CHODL: variants seen among roughly 807,000 people sequenced by gnomAD.
CHODL encodes the protein transmembrane protein MT75.
Under a neutral mutation model 34.5 loss-of-function variants are expected in CHODL, and 29 were observed. The ratio of observed to expected loss-of-function variants is 0.84; its 90% CI spans 0.63 to 1.15. CHODL has a LOEUF of 1.15. CHODL is among the 50% of genes most tolerant of loss of function. CHODL has a pLI of 0.00. For missense variants in CHODL, 332 were observed against 332.5 expected (o/e 1.00, Z 0.01); for synonymous variants, 125 against 116.1 (o/e 1.08, Z -0.49).
chr21:18,175,014 A>G (rs2073288751), intron 2 of CHODL, among the ~76,000 whole-genome samples: 1 of 152,240 alleles, frequency 6.6e-6, no homozygotes, highest in South Asian at 2.1e-4. Context: ...TGAAATGCAT[A>G]TAATACTAGT....
intron 1 of CHODL, among the ~76,000 whole-genome samples, chr21:17,976,243 C>T (rs1309480152): frequency 1.0e-5 from 1 of 100,334 alleles, no homozygotes; most frequent in Non-Finnish European, 2.0e-5. Flanking sequence ...TGCACTCCAA[C>T]CTGGGTGACA....
intron 2 of CHODL, among the ~76,000 whole-genome samples, chr21:18,159,733 C>T (rs1366926665): frequency 6.6e-6 from 1 of 152,084 alleles, no homozygotes; most frequent in Non-Finnish European, 1.5e-5. Context: ...TATAAGTGGG[C>T]CAAATCTAAC....
chr21:18,070,613 C>T (rs2064791864), intron 2 of CHODL, among the ~76,000 whole-genome samples: 1 of 152,160 alleles, frequency 6.6e-6, no homozygotes, highest in South Asian at 2.1e-4. Flanking sequence ...CTCTAATCTC[C>T]AAGCTTGTTC....
intron 2 of CHODL, among the ~76,000 whole-genome samples, chr21:18,052,543 T>C (rs983362757): frequency 6.6e-6 from 1 of 151,954 alleles, no homozygotes; most frequent in Non-Finnish European, 1.5e-5. Context: ...AAAGTATTAA[T>C]TGGGTAGGAA....
chr21:18,105,265 C>G (rs1004133263), intron 2 of CHODL, among the ~76,000 whole-genome samples: 4 of 152,172 alleles, frequency 2.6e-5, no homozygotes, highest in African/African-American at 4.8e-5. Context: ...GAGGCAGAGA[C>G]TGGGACAGCA....
chr21:17,979,956 C>T (rs900592748), intron 1 of CHODL, among the ~76,000 whole-genome samples: 1 of 152,068 alleles, frequency 6.6e-6, no homozygotes, highest in Non-Finnish European at 1.5e-5. Context: ...TTCATTTCTT[C>T]AAAAATGTTC....
At chr21:17,922,938 A>G (rs1303496928) in intron 1 of CHODL, among the ~76,000 whole-genome samples, 3 of 152,214 alleles carry the variant, frequency 2.0e-5, no homozygotes, top group African/African-American at 4.8e-5. Context: ...AACATATGAA[A>G]GATGAACATT....
chr21:17,920,034 A>G (rs9983969), intron 1 of CHODL, among the ~76,000 whole-genome samples: 9,485 of 152,122 alleles, frequency 0.062, 796 homozygotes, highest in African/African-American at 0.19. Context: ...TTCATTGTCC[A>G]TATCATTATC....
At chr21:17,948,770 CCAAT>C (rs1221004786) in intron 1 of CHODL, among the ~76,000 whole-genome samples, 2 of 152,038 alleles carry the variant, frequency 1.3e-5, no homozygotes, top group African/African-American at 4.8e-5. Context: ...TAAAAAATCT[CCAAT>C]CAAAGAAAAG....
intron 1 of CHODL, among the ~76,000 whole-genome samples, chr21:18,252,239 G>A (rs1056526197): frequency 2.0e-5 from 3 of 152,042 alleles, no homozygotes; most frequent in Non-Finnish European, 2.9e-5. Flanking sequence ...AATAGAACCC[G>A]TTATATGGTT....
At chr21:17,989,974 A>G (rs1600864101) in intron 1 of CHODL, among the ~76,000 whole-genome samples, 1 of 152,082 alleles carries the variant, frequency 6.6e-6, no homozygotes, top group African/African-American at 2.4e-5. Context: ...GCAGATTTAA[A>G]TTTCACAAGA....
chr21:17,934,089 G>T (rs2063299621), intron 1 of CHODL, among the ~76,000 whole-genome samples: 1 of 151,114 alleles, frequency 6.6e-6, no homozygotes, highest in Non-Finnish European at 1.5e-5. Flanking sequence ...TCCAAAAGTT[G>T]AGAGAGAGAG....
At chr21:18,054,848 C>T (rs2064559347) in intron 2 of CHODL, among the ~76,000 whole-genome samples, 1 of 151,744 alleles carries the variant, frequency 6.6e-6, no homozygotes, top group Non-Finnish European at 1.5e-5. Flanking sequence ...AAAAGAAAAC[C>T]AGCCACTAAT....
At chr21:17,957,810 A>G (rs1461276763) in intron 1 of CHODL, among the ~76,000 whole-genome samples, 2 of 151,792 alleles carry the variant, frequency 1.3e-5, no homozygotes, top group Non-Finnish European at 2.9e-5. Context: ...GAGGTATCGG[A>G]GTCCTAAATA....
chr21:18,078,304 G>C (rs907115491), intron 2 of CHODL, among the ~76,000 whole-genome samples: 1 of 152,170 alleles, frequency 6.6e-6, no homozygotes, highest in African/African-American at 2.4e-5. Flanking sequence ...AGGCAAGAAA[G>C]TGTGTGCAGG....
At chr21:18,078,212 C>T (rs2064890033) in intron 2 of CHODL, among the ~76,000 whole-genome samples, 1 of 152,138 alleles carries the variant, frequency 6.6e-6, no homozygotes, top group African/African-American at 2.4e-5. Flanking sequence ...GGTTGAGGGA[C>T]TCACAGTTCC....
At chr21:18,078,292 G>A (rs1379998834) in intron 2 of CHODL, among the ~76,000 whole-genome samples, 1 of 152,132 alleles carries the variant, frequency 6.6e-6, no homozygotes, top group Non-Finnish European at 1.5e-5. Flanking sequence ...CTATATGGCA[G>A]CAGGCAAGAA....
intron 2 of CHODL, among the ~76,000 whole-genome samples, chr21:18,131,410 A>G (rs909810749): frequency 1.3e-5 from 2 of 152,140 alleles, no homozygotes; most frequent in African/African-American, 4.8e-5. Flanking sequence ...TTCAATGTAA[A>G]TCTATTCTCA....
intron 2 of CHODL, among the ~76,000 whole-genome samples, chr21:18,195,999 A>G (rs2073583454): frequency 6.6e-6 from 1 of 152,216 alleles, no homozygotes; most frequent in African/African-American, 2.4e-5. Flanking sequence ...TACACAAGTT[A>G]TATGGATATC....
Sources: allele counts gnomAD v4.1 joint callset (sites outside exome capture counted in the v4.1 genomes callset), GRCh38; gene constraint gnomAD v4.1.1; transcripts MANE v1.5; gene names NCBI Gene and HGNC (gene_info 2026-07-23, HGNC 2026-07-21).